The following INPP5A variants were observed in gnomAD, a reference collection of about 807,000 sequenced individuals.
INPP5A encodes the protein inositol polyphosphate-5-phosphatase A.
INPP5A carries 14 observed loss-of-function variants against 65.2 expected under a neutral mutation model. That is an observed-to-expected ratio of 0.21 (90% CI 0.14 to 0.34). The LOEUF (loss-of-function observed/expected upper bound fraction) is 0.34. Ranked by LOEUF, INPP5A falls within the 10% of genes least tolerant of loss-of-function variation. The pLI, the probability that INPP5A is intolerant of heterozygous loss-of-function variation, is 1.00. For synonymous variants in INPP5A, 207 were observed against 208.3 expected, an observed-to-expected ratio of 0.99 and a Z score of 0.05; for missense variants, 431 against 545.6, an observed-to-expected ratio of 0.79 and a Z score of 2.09.
intron 1 of INPP5A, among the ~76,000 whole-genome samples, chr10:132,556,174 C>T (rs922019324): frequency 1.2e-4 from 19 of 152,102 alleles, no homozygotes; most frequent in Admixed American, 2.0e-4. Context: ...TGGCACGCTC[C>T]GGGGGCTGTC....
At chr10:132,771,464 A>G (rs1846946179) in intron 12 of INPP5A, among the ~76,000 whole-genome samples, 2 of 152,246 alleles carry the variant, frequency 1.3e-5, no homozygotes, top group South Asian at 4.1e-4. Context: ...TGCCAGCTCC[A>G]TGAAATCAGT....
At chr10:132,605,187 GAA>G (rs2071830024) in intron 1 of INPP5A, among the ~76,000 whole-genome samples, 2 of 121,238 alleles carry the variant, frequency 1.6e-5, no homozygotes, top group Admixed American at 8.1e-5. Context: ...GGATGGGGAA[GAA>G]GTGGATCCCC....
At chr10:132,638,206 C>T (rs1166734852) in intron 2 of INPP5A, among the ~76,000 whole-genome samples, 2 of 152,136 alleles carry the variant, frequency 1.3e-5, no homozygotes, top group East Asian at 1.9e-4. Context: ...TTCTCTTCTT[C>T]GTTGGTAGTG....
rs1194920739 is a variant in INPP5A, at chr10:132,550,426, G to A, written c.75+12255G>A. On this transcript the variant is annotated intron_variant, in intron 1 of 15. Coordinates refer to ENST00000368594, the MANE Select transcript of INPP5A (RefSeq NM_005539.5). The surrounding 1 kb of genome is among the most constrained non-coding windows in gnomAD (Gnocchi z 4.2). ...GCAACTCTGAGGTTCTGCATAGCTA[G>A]TGCCACCTGTGACACTGCTGTCACT... 6.6e-6 allele frequency among the ~76,000 whole-genome samples: 1 copy of A among 152,200 alleles called. No homozygotes were observed. Among genetic ancestry groups the A allele is most frequent in the Admixed American group, 6.5e-5 (1 of 15,288 alleles).
Position 132,547,282 on chromosome 10 carries a change from G to T in INPP5A, c.75+9111G>T, listed in dbSNP as rs1313146063. On this transcript the variant is annotated intron_variant, in intron 1 of 15. Coordinates refer to ENST00000368594, the MANE Select transcript of INPP5A (RefSeq NM_005539.5). This position sits in a 1 kb window ranked among gnomAD's most constrained non-coding sequence, Gnocchi z 5.5. ...GTGGCTGTCACATGGTTTCTGGACTGTCAGCCTTTGGGCTGAGTGAGGCGT... is the reference window on the plus strand; with the variant it reads ...GTGGCTGTCACATGGTTTCTGGACTTTCAGCCTTTGGGCTGAGTGAGGCGT... 2.6e-5 allele frequency among the ~76,000 whole-genome samples: 4 copies of T among 152,232 alleles called. No homozygotes were observed. Among genetic ancestry groups the T allele is most frequent in the East Asian group, 1.9e-4 (1 of 5,186 alleles).
At chr10:132,614,940 G>C (rs188454736) in intron 2 of INPP5A, among the ~76,000 whole-genome samples, 16 of 152,282 alleles carry the variant, frequency 1.1e-4, no homozygotes, top group African/African-American at 3.9e-4. Flanking sequence ...CAGGTGCCCT[G>C]TGGAGCACAC....
In INPP5A at chr10:132,774,186, A is replaced by G. The variant is rs545547881; in HGVS notation, c.978-3485A>G. Among the ~76,000 whole-genome samples the G allele has an allele frequency of 4.6e-5, 7 of 152,126 alleles. No homozygotes were observed. The South Asian group carries it at 1.4e-3, about 31-fold the overall frequency. Reference sequence around the variant, plus strand: ...GGGCCTTCTCCTTTTCAGGAATTCCAGTGGCAGCTGGTGTGTTTGGAAGCG... The same window carrying G: ...GGGCCTTCTCCTTTTCAGGAATTCCGGTGGCAGCTGGTGTGTTTGGAAGCG... On this transcript the variant is annotated intron_variant, in intron 12 of 15. Transcript: ENST00000368594.
chr10:132,775,602 G>A (rs928188368), intron 12 of INPP5A, among the ~76,000 whole-genome samples: 2 of 152,142 alleles, frequency 1.3e-5, no homozygotes, highest in Admixed American at 6.5e-5. Flanking sequence ...GCCCCCAACA[G>A]CCTGGCCAGG....
At chr10:132,703,620 G>GC (rs373223532) in intron 6 of INPP5A, among the ~76,000 whole-genome samples, 2 of 75,998 alleles carry the variant, frequency 2.6e-5, no homozygotes, top group Admixed American at 1.6e-4. Flanking sequence ...CACAGCTTCT[G>GC]CCCCCCAACA....
At position 132,618,193 on chromosome 10, in the gene INPP5A, A is replaced by G. The variant is rs140613159; in HGVS notation, c.117+10237A>G. ...TAAATTGAGATAATAAATGTTGTTTATTTATCAGGGAGAGACCCAGTAAGA... is the reference window on the plus strand; with the variant it reads ...TAAATTGAGATAATAAATGTTGTTTGTTTATCAGGGAGAGACCCAGTAAGA... On this transcript the variant is annotated intron_variant, in intron 2 of 15. Coordinates refer to ENST00000368594, the MANE Select transcript of INPP5A (RefSeq NM_005539.5). Among the ~76,000 whole-genome samples, 6 of 152,354 alleles carry G rather than the reference A, an allele frequency of 3.9e-5. No homozygotes were observed. In the East Asian group the frequency reaches 9.6e-4, roughly 24 times the overall value.
At position 132,643,373 on chromosome 10, in the gene INPP5A, C is replaced by A. The variant is rs559060284; in HGVS notation, c.118-2495C>A. On this transcript the variant is annotated intron_variant, in intron 2 of 15. Coordinates refer to ENST00000368594, the MANE Select transcript of INPP5A (RefSeq NM_005539.5). The stretch of plus-strand genomic sequence containing the variant: ...TTTTGAGGCCAGATGTGGGGACTCA[C>A]ACCTGTAGTCCCAGCACTTTGGGAG... Among the ~76,000 whole-genome samples the A allele has an allele frequency of 6.1e-4, 93 of 152,268 alleles. 1 individual carries two copies. The highest frequency in any genetic ancestry group is 5.8e-3 in the East Asian group (30 of 5,170).
chr10:132,767,892 G>C (rs963370798), intron 12 of INPP5A, among the ~76,000 whole-genome samples: 8 of 136,798 alleles, frequency 5.8e-5, no homozygotes, highest in African/African-American at 2.2e-4. Context: ...TGGCATTCCA[G>C]AAAGATCCAT....
At chr10:132,586,037 G>T (rs1324223211) in intron 1 of INPP5A, among the ~76,000 whole-genome samples, 1 of 152,220 alleles carries the variant, frequency 6.6e-6, no homozygotes, top group East Asian at 1.9e-4. Flanking sequence ...GACCTGGCCA[G>T]CGCTTCTGTC....
chr10:132,683,454 A>T (rs756128758), intron 4 of INPP5A, among the ~76,000 whole-genome samples: 2 of 152,120 alleles, frequency 1.3e-5, no homozygotes, highest in Non-Finnish European at 2.9e-5. Flanking sequence ...TGTTATATAT[A>T]TATGCACGCA....
Position 132,739,308 on chromosome 10 carries a change from G to A in INPP5A, c.733-10209G>A, listed in dbSNP as rs1209121475. Among the ~76,000 whole-genome samples the A allele has an allele frequency of 3.9e-5, 6 of 152,202 alleles. No homozygotes were observed. In the East Asian group the frequency reaches 7.7e-4, roughly 20 times the overall value. ...TTGGTGCCTGCCACCCTGGCCTCCC[G>A]GCCTCACCACACATTTCCCACGCCA... On this transcript the variant is annotated intron_variant, in intron 9 of 15. Coordinates refer to ENST00000368594, the MANE Select transcript of INPP5A (RefSeq NM_005539.5).
At chr10:132,573,748 G>T (rs1271189613) in intron 1 of INPP5A, among the ~76,000 whole-genome samples, 2 of 114,598 alleles carry the variant, frequency 1.7e-5, no homozygotes, top group African/African-American at 7.5e-5. Context: ...GCCGTGTGAG[G>T]TTTTGTTGAG....
intron 1 of INPP5A, among the ~76,000 whole-genome samples, chr10:132,594,861 C>T (rs558651842): frequency 9.2e-5 from 14 of 152,264 alleles, no homozygotes; most frequent in Non-Finnish European, 1.3e-4. Context: ...TGGTTCTCCC[C>T]GTCTGCCATT....
At position 132,660,044 on chromosome 10, in the gene INPP5A, G is replaced by A. The variant is rs1279404537; in HGVS notation, c.306+9539G>A. Among the ~76,000 whole-genome samples, 4 of 152,170 alleles carry A rather than the reference G, an allele frequency of 2.6e-5. No homozygotes were observed. In the East Asian group the frequency reaches 5.8e-4, roughly 22 times the overall value. Reference sequence around the variant, plus strand: ...CCACGGCACGTTCCCGCGCTCCGCCGACGCGTGGCCCACGGCACGTTCTGA... The same window carrying A: ...CCACGGCACGTTCCCGCGCTCCGCCAACGCGTGGCCCACGGCACGTTCTGA... On this transcript the variant is annotated intron_variant, in intron 4 of 15. Coordinates refer to ENST00000368594, the MANE Select transcript of INPP5A (RefSeq NM_005539.5).
chr10:132,653,538 A>G (rs2072609217), intron 4 of INPP5A, among the ~76,000 whole-genome samples: 1 of 152,116 alleles, frequency 6.6e-6, no homozygotes, highest in South Asian at 2.1e-4. Flanking sequence ...CCAGCAAAAC[A>G]GTCGCCAGGG....
Sources: gnomAD v4.1 joint callset for allele counts (sites outside exome capture counted in the v4.1 genomes callset) on GRCh38, gnomAD v4.1.1 for gene constraint, Gnocchi (gnomAD v3.1) non-coding constraint, MANE v1.5 for transcripts, NCBI Gene and HGNC (gene_info 2026-07-23, HGNC 2026-07-21) for gene names.